Variants in TAFA2 observed in about 807,000 individuals in gnomAD.
The protein encoded by TAFA2 is TAFA chemokine like family member 2, also known as chemokine-like protein TAFA-2.
A neutral mutation model predicts 18.8 loss-of-function variants in TAFA2; 7 were observed. That is an observed-to-expected ratio of 0.37 (90% CI 0.21 to 0.70). TAFA2 has a LOEUF of 0.70. Ranked by LOEUF, TAFA2 falls within the 30% of genes least tolerant of loss-of-function variation. TAFA2 has a pLI of 0.53. For missense variants in TAFA2, 122 were observed against 158.1 expected, an observed-to-expected ratio of 0.77 and a Z score of 1.23; for synonymous variants, 60 against 54.2, an observed-to-expected ratio of 1.11 and a Z score of -0.47.
At chr12:62,085,689 A>G (rs1437684236) in intron 1 of TAFA2, among the ~76,000 whole-genome samples, 1 of 152,166 alleles carries the variant, frequency 6.6e-6, no homozygotes, top group African/African-American at 2.4e-5. Context: ...TAGAATTCAA[A>G]AAGTAGAATA....
At chr12:61,941,859 G>T (rs1421600816) in intron 1 of TAFA2, among the ~76,000 whole-genome samples, 1 of 152,148 alleles carries the variant, frequency 6.6e-6, no homozygotes, top group Non-Finnish European at 1.5e-5. Flanking sequence ...ACTGCAAGGC[G>T]GCAGCGAGGC....
chr12:61,833,713 T>G (rs762473868), intron 2 of TAFA2, among the ~76,000 whole-genome samples: 25 of 152,140 alleles, frequency 1.6e-4, no homozygotes, highest in Non-Finnish European at 2.9e-4. Context: ...TAATCCTCAG[T>G]AATTGCTTTT....
chr12:62,117,120 CTGTTCTTTAATA>C (rs1400552010), intron 1 of TAFA2, among the ~76,000 whole-genome samples: 1 of 152,174 alleles, frequency 6.6e-6, no homozygotes, highest in African/African-American at 2.4e-5. Context: ...TTTGAAATTT[CTGTTCTTTAATA>C]TCACTCAGTC....
At chr12:61,843,306 T>C (rs1243432941) in intron 2 of TAFA2, among the ~76,000 whole-genome samples, 2 of 152,012 alleles carry the variant, frequency 1.3e-5, no homozygotes, top group Non-Finnish European at 2.9e-5. Context: ...AAAACAAAGC[T>C]GGTGTACTGC....
At chr12:62,240,147 C>T (rs1043542864) in intron 1 of TAFA2, among the ~76,000 whole-genome samples, 2 of 151,710 alleles carry the variant, frequency 1.3e-5, no homozygotes, top group Non-Finnish European at 2.9e-5. Flanking sequence ...GGCCAGGCTC[C>T]GTGGCTCACA....
intron 1 of TAFA2, among the ~76,000 whole-genome samples, chr12:62,083,609 C>T (rs1868356557): frequency 6.6e-6 from 1 of 152,184 alleles, no homozygotes; most frequent in African/African-American, 2.4e-5. Flanking sequence ...CATTTGACTA[C>T]AAAGACATGA....
chr12:62,144,464 A>G (rs2062266715), intron 1 of TAFA2, among the ~76,000 whole-genome samples: 1 of 152,138 alleles, frequency 6.6e-6, no homozygotes, highest in Non-Finnish European at 1.5e-5. Flanking sequence ...TCCACCAAAA[A>G]AAAAAGATCC....
intron 1 of TAFA2, among the ~76,000 whole-genome samples, chr12:62,010,429 A>G (rs1403577177): frequency 1.3e-5 from 2 of 152,036 alleles, no homozygotes; most frequent in Non-Finnish European, 2.9e-5. Context: ...GGGTGCTGGG[A>G]TTGCAGACGG....
At chr12:61,987,811 CAG>C (rs567832772) in intron 1 of TAFA2, among the ~76,000 whole-genome samples, 58 of 152,292 alleles carry the variant, frequency 3.8e-4, no homozygotes, top group Non-Finnish European at 6.3e-4. Flanking sequence ...TGCCCCATAA[CAG>C]AGTGTCCTCA....
At chr12:62,258,670 TC>T (rs2062955760) in intron 1 of TAFA2, 1 of 250,484 alleles carries the variant, frequency 4.0e-6, no homozygotes, top group African/African-American at 2.3e-5. Flanking sequence ...TTCATAAAAA[TC>T]CCTTAAGGTA....
At chr12:62,088,986 T>G (rs143588354) in intron 1 of TAFA2, among the ~76,000 whole-genome samples, 2 of 152,150 alleles carry the variant, frequency 1.3e-5, no homozygotes, top group East Asian at 3.9e-4. Context: ...GTTCTTATGA[T>G]ACATTATTGC....
chr12:62,066,677 T>C (rs1882496829), intron 1 of TAFA2, among the ~76,000 whole-genome samples: 3 of 152,064 alleles, frequency 2.0e-5, no homozygotes, highest in African/African-American at 4.8e-5. Flanking sequence ...TAGTACTTCA[T>C]TGTGTATGTG....
intron 1 of TAFA2, among the ~76,000 whole-genome samples, chr12:61,936,680 A>G (rs1405722087): frequency 6.6e-6 from 1 of 152,198 alleles, no homozygotes; most frequent in Non-Finnish European, 1.5e-5. Context: ...TGAAAATTAT[A>G]AAAGCCCTAT....
intron 4 of TAFA2, among the ~76,000 whole-genome samples, chr12:61,753,153 A>G (rs1869098914): frequency 6.6e-6 from 1 of 152,060 alleles, no homozygotes; most frequent in Non-Finnish European, 1.5e-5. Context: ...CCACTAGAAA[A>G]CTATTTAATG....
rs140408007 is a variant in TAFA2, at chr12:62,030,924, C to T, written c.-2+160335G>A. On this transcript the variant is annotated intron_variant, in intron 1 of 4. Transcript: ENST00000416284. ...CTTCCTCTTCACCCTTAATGATGCACGCAGAAGTTATAGAGGAGGTGTGGC... is the reference window on the plus strand; with the variant it reads ...CTTCCTCTTCACCCTTAATGATGCATGCAGAAGTTATAGAGGAGGTGTGGC... Among the ~76,000 whole-genome samples the T allele has an allele frequency of 3.0e-4, 46 of 152,190 alleles. No individual in the cohort carries two copies. In the East Asian group the frequency reaches 6.8e-3, roughly 22 times the overall value.
chr12:62,197,424 C>T (rs2062653554), upstream of TAFA2, among the ~76,000 whole-genome samples: 1 of 152,082 alleles, frequency 6.6e-6, no homozygotes, highest in Non-Finnish European at 1.5e-5. Flanking sequence ...CAGGCTTTTT[C>T]TTTTTTGCCT....
At position 61,709,599 on chromosome 12, in the gene TAFA2, T is replaced by C. The variant is rs999531890; in HGVS notation, c.*807A>G. 2 of 144,290 alleles carry C rather than the reference T, an allele frequency of 1.4e-5. No homozygotes were observed. Among genetic ancestry groups the C allele is most frequent in the Non-Finnish European group, 3.1e-5 (2 of 64,752 alleles). 8.9% of individuals were successfully genotyped at this position (144,290 alleles called of 1,614,324 possible). ...AAGGGAATAAGTAAACATAAAAAAT[T>C]AAAGAAAAGCTCACTTAAAAAAAAA... On this transcript the variant is annotated 3_prime_UTR_variant, in exon 5 of 5. Coordinates refer to ENST00000416284, the MANE Select transcript of TAFA2 (RefSeq NM_178539.5).
intron 1 of TAFA2, among the ~76,000 whole-genome samples, chr12:61,994,148 T>C (rs1458283934): frequency 6.6e-6 from 1 of 152,152 alleles, no homozygotes; most frequent in Non-Finnish European, 1.5e-5. Flanking sequence ...CATTCAACCT[T>C]TTCCACCCCC....
intron 1 of TAFA2, among the ~76,000 whole-genome samples, chr12:62,238,076 A>G (rs559246868): frequency 1.3e-5 from 2 of 152,306 alleles, no homozygotes; most frequent in East Asian, 3.9e-4. Context: ...CATGAAATAA[A>G]GCAGGAATGG....
Sources: allele counts gnomAD v4.1 joint callset (sites outside exome capture counted in the v4.1 genomes callset), GRCh38; gene constraint gnomAD v4.1.1; transcripts MANE v1.5; gene names NCBI Gene and HGNC (gene_info 2026-07-23, HGNC 2026-07-21).